The following GRIA3 variants were observed in gnomAD, a reference collection of about 807,000 sequenced individuals.
The protein encoded by GRIA3 is glutamate ionotropic receptor AMPA type subunit 3, also known as glutamate receptor 3.
A neutral mutation model predicts 63.0 loss-of-function variants in GRIA3; 3 were observed. The observed-to-expected ratio is 0.05, with a 90% confidence interval of 0.02 to 0.12. GRIA3 has a LOEUF of 0.12. GRIA3 is among the 10% of genes least tolerant of loss of function. The pLI, the probability that GRIA3 is intolerant of heterozygous loss-of-function variation, is 1.00. For synonymous variants in GRIA3, 274 were observed against 257.9 expected, an observed-to-expected ratio of 1.06 and a Z score of -0.60; for missense variants, 347 against 700.9, an observed-to-expected ratio of 0.50 and a Z score of 5.70.
At chrX:123,432,183 G>T (rs1395805958) in intron 12 of GRIA3, among the ~76,000 whole-genome samples, 1 of 111,956 alleles carries the variant, frequency 8.9e-6, no homozygotes, top group Non-Finnish European at 1.9e-5. Context: ...GTAATGCCCA[G>T]CTGCAGACAA....
At chrX:123,349,006 A>T (rs1249261497) in intron 4 of GRIA3, among the ~76,000 whole-genome samples, 1 of 111,943 alleles carries the variant, frequency 8.9e-6, no homozygotes, top group African/African-American at 3.2e-5. Context: ...TTTCAGTGAC[A>T]CCTAGATGAA....
chrX:123,375,216 G>A (rs5910000), intron 5 of GRIA3, among the ~76,000 whole-genome samples: 15,166 of 111,156 alleles, frequency 0.14, 1,008 homozygotes, highest in Non-Finnish European at 0.2. Context: ...GTCCTTCATC[G>A]TGTTGATATG....
chrX:123,299,789 G>C (rs1037710640), intron 3 of GRIA3, among the ~76,000 whole-genome samples: 1 of 111,263 alleles, frequency 9.0e-6, no homozygotes, highest in East Asian at 2.8e-4. Context: ...GTGAGAGAAG[G>C]CATCCTTGTC....
intron 3 of GRIA3, among the ~76,000 whole-genome samples, chrX:123,289,408 T>G (rs185903136): frequency 3.1e-5 from 3 of 97,797 alleles, no homozygotes; most frequent in African/African-American, 1.3e-4. Context: ...TCCCAGAACT[T>G]AAAGTATAAT....
intron 15 of GRIA3, among the ~76,000 whole-genome samples, chrX:123,485,833 T>C (rs2045937163): frequency 1.8e-5 from 2 of 111,089 alleles, no homozygotes; most frequent in South Asian, 7.8e-4. Context: ...TCATCAAACA[T>C]TAGTGTGCAT....
chrX:123,295,212 G>C (rs1026127273), intron 3 of GRIA3, among the ~76,000 whole-genome samples: 1 of 111,456 alleles, frequency 9.0e-6, no homozygotes, highest in African/African-American at 3.3e-5. Context: ...CAGCCTTTGC[G>C]AATGGGCCTT....
At chrX:123,334,419 T>C (rs902501730) in intron 4 of GRIA3, among the ~76,000 whole-genome samples, 1 of 111,333 alleles carries the variant, frequency 9.0e-6, no homozygotes, top group Non-Finnish European at 1.9e-5. Context: ...ACTGGCTTTG[T>C]GACTGTTTAG....
intron 2 of GRIA3, among the ~76,000 whole-genome samples, chrX:123,186,499 G>C (rs987383725): frequency 9.0e-6 from 1 of 111,590 alleles, no homozygotes; most frequent in African/African-American, 3.3e-5. Flanking sequence ...GCAAATATGA[G>C]AAATTCTGCA....
intron 5 of GRIA3, among the ~76,000 whole-genome samples, chrX:123,393,498 C>G (rs939054068): frequency 8.9e-6 from 1 of 111,992 alleles, no homozygotes; most frequent in Non-Finnish European, 1.9e-5. Flanking sequence ...CAAAACTCAT[C>G]AAGTACATTT....
intron 3 of GRIA3, among the ~76,000 whole-genome samples, chrX:123,280,845 G>A (rs2097395): frequency 0.086 from 9,571 of 111,138 alleles, 1,063 homozygotes; most frequent in African/African-American, 0.3. Context: ...TGAAGTTTCT[G>A]GCTAAACAAA....
At chrX:123,465,143 T>C in intron 13 of GRIA3, 31 bp downstream of exon 13, 11 of 1,177,323 alleles carry the variant, frequency 9.3e-6, no homozygotes, top group Non-Finnish European at 1.2e-5. Flanking sequence ...ATATCCGTGT[T>C]GTTATAGTAT....
chrX:123,294,603 A>G (rs1315422218), intron 3 of GRIA3, among the ~76,000 whole-genome samples: 1 of 110,765 alleles, frequency 9.0e-6, no homozygotes, highest in Non-Finnish European at 1.9e-5. Context: ...ATGTCCCCAA[A>G]AGAGACTCCC....
At chrX:123,454,843 A>T (rs148729319) in intron 12 of GRIA3, among the ~76,000 whole-genome samples, 1,170 of 112,017 alleles carry the variant, frequency 0.01, 15 homozygotes, top group African/African-American at 0.035. Context: ...AACCCATTGG[A>T]ATATGCTTAG....
At chrX:123,453,398 G>A (rs1158247987) in intron 12 of GRIA3, among the ~76,000 whole-genome samples, 1 of 110,016 alleles carries the variant, frequency 9.1e-6, no homozygotes, top group East Asian at 2.9e-4. Flanking sequence ...TCGTGGGGTG[G>A]GGGGAGAGGG....
chrX:123,305,023 A>G (rs2044746474), intron 3 of GRIA3, among the ~76,000 whole-genome samples: 1 of 111,490 alleles, frequency 9.0e-6, no homozygotes, highest in Non-Finnish European at 1.9e-5. Flanking sequence ...ATGACAAAAA[A>G]GCAAACCTTG....
chrX:123,295,171 C>T (rs1275713861), intron 3 of GRIA3, among the ~76,000 whole-genome samples: 4 of 111,700 alleles, frequency 3.6e-5, no homozygotes, highest in African/African-American at 1.3e-4. Flanking sequence ...AGGATTTAAT[C>T]GTCACTTAAG....
rs1252686667 is a variant in GRIA3, at chrX:123,488,785, G to C, written c.*75G>C. 2 of 111,412 alleles carry C rather than the reference G, an allele frequency of 1.8e-5. No homozygotes were observed. Among genetic ancestry groups the C allele is most frequent in the Non-Finnish European group, 3.8e-5 (2 of 53,064 alleles). The allele number at this position is 111,412 out of a possible 1,213,427, so 9.2% of individuals were successfully genotyped here. A position where few individuals can be genotyped will look rare whatever the true frequency, so the allele number is the denominator to read the frequency against. ...TGGCTGCTTCAAGGATCCTGAGCCA[G>C]ATTTCACTCTCCTTGGTGTCGGGCA... On this transcript the variant is annotated 3_prime_UTR_variant, in exon 16 of 16. Transcript: ENST00000620443.
chrX:123,237,634 C>T (rs768662466), intron 2 of GRIA3, among the ~76,000 whole-genome samples: 1 of 112,074 alleles, frequency 8.9e-6, no homozygotes, highest in African/African-American at 3.2e-5. Flanking sequence ...TTACAGAGCC[C>T]GAATCCTCTT....
At chrX:123,203,285 TGTAAG>T (rs1176332464) in intron 2 of GRIA3, among the ~76,000 whole-genome samples, 1 of 111,701 alleles carries the variant, frequency 9.0e-6, no homozygotes, top group Non-Finnish European at 1.9e-5. Flanking sequence ...CTTCAATACA[TGTAAG>T]GGAAGCAATG....
Sources: allele counts gnomAD v4.1 joint callset (sites outside exome capture counted in the v4.1 genomes callset), GRCh38; gene constraint gnomAD v4.1.1; transcripts MANE v1.5; gene names NCBI Gene and HGNC (gene_info 2026-07-23, HGNC 2026-07-21).